Variants in DAB1 observed in about 807,000 individuals in gnomAD.
DAB1 encodes the protein DAB adaptor protein 1, also known as disabled homolog 1.
A neutral mutation model predicts 64.6 loss-of-function variants in DAB1; 15 were observed. That is an observed-to-expected ratio of 0.23 (90% CI 0.16 to 0.36). DAB1 has a LOEUF of 0.36. DAB1 is among the 10% of genes least tolerant of loss of function. The probability of loss-of-function intolerance (pLI) is 1.00; values close to 1 mark genes in which losing one functional copy is unlikely to be tolerated. For synonymous variants in DAB1, 235 were observed against 251.9 expected (o/e 0.93, Z 0.64); for missense variants, 596 against 706.7 (o/e 0.84, Z 1.78).
chr1:57,971,820 AT>A (rs1645803205), intron 5 of DAB1, among the ~76,000 whole-genome samples: 4 of 152,304 alleles, frequency 2.6e-5, no homozygotes, highest in African/African-American at 9.6e-5. Flanking sequence ...ACCAATGGCA[AT>A]ATCTTTCATT....
chr1:57,071,155 C>G (rs1002466082), intron 6 of DAB1, 94 bp from the exon 7 acceptor site: 5 of 1,250,572 alleles, frequency 4.0e-6, no homozygotes, highest in Middle Eastern at 2.1e-4. Context: ...AGTAAAGAAA[C>G]CAGCTCTGGG....
chr1:57,087,192 C>CAT (rs781577938), intron 4 of DAB1, among the ~76,000 whole-genome samples: 1 of 152,230 alleles, frequency 6.6e-6, no homozygotes, highest in Non-Finnish European at 1.5e-5. Context: ...ATAGAAAACA[C>CAT]ATGTGACCAG....
chr1:57,898,177 A>G (rs1644419806), intron 5 of DAB1, among the ~76,000 whole-genome samples: 2 of 152,128 alleles, frequency 1.3e-5, no homozygotes, highest in Admixed American at 1.3e-4. Context: ...TTTCCTAACA[A>G]TGCAATGAAG....
chr1:57,806,073 A>T (rs1651349376), intron 6 of DAB1, among the ~76,000 whole-genome samples: 1 of 152,100 alleles, frequency 6.6e-6, no homozygotes, highest in Non-Finnish European at 1.5e-5. Context: ...CACACATTTC[A>T]CAGAGGAAAA....
At chr1:58,390,883 C>A (rs541065447) in intron 3 of DAB1, among the ~76,000 whole-genome samples, 29 of 152,116 alleles carry the variant, frequency 1.9e-4, no homozygotes, top group Non-Finnish European at 3.5e-4. Flanking sequence ...GTCTGGCATG[C>A]AGTGGGAATC....
intron 4 of DAB1, among the ~76,000 whole-genome samples, chr1:58,172,119 T>C (rs925575994): frequency 6.6e-6 from 1 of 152,154 alleles, no homozygotes; most frequent in Non-Finnish European, 1.5e-5. Context: ...ACTCATCTAG[T>C]AGAATGGGAA....
chr1:57,108,753 G>A (rs1035281484), intron 4 of DAB1, among the ~76,000 whole-genome samples: 1 of 152,150 alleles, frequency 6.6e-6, no homozygotes, highest in Non-Finnish European at 1.5e-5. Context: ...GTGAAGTAGG[G>A]TAAGCTGTTG....
At chr1:58,545,973 G>A (rs1303533570) in intron 1 of DAB1, among the ~76,000 whole-genome samples, 1 of 152,176 alleles carries the variant, frequency 6.6e-6, no homozygotes, top group East Asian at 1.9e-4. Flanking sequence ...CTTTTAGCGA[G>A]GGTTGCACGA....
rs374994051 is a variant in DAB1 at position 57,721,404 on chromosome 1, C to T, written n.552-71739G>A. 1.1e-4 allele frequency among the ~76,000 whole-genome samples: 16 copies of T among 152,322 alleles called. No homozygotes were observed. The South Asian group carries it at 3.3e-3, about 32-fold the overall frequency. On this transcript the variant is annotated intron_variant and non_coding_transcript_variant, in intron 6 of 20. Transcript: ENST00000485760. The stretch of plus-strand genomic sequence containing the variant: ...TCTACTCTGTGCCAGACTTAATTTT[C>T]ACCAAAAACATAGTTTACACTTAGT...
At chr1:57,895,400 T>C (rs1181892938) in intron 5 of DAB1, among the ~76,000 whole-genome samples, 1 of 152,236 alleles carries the variant, frequency 6.6e-6, no homozygotes, top group East Asian at 1.9e-4. Context: ...TCAGGCAGTC[T>C]GGCTACAGGG....
At chr1:57,190,612 C>T (rs1162156168) in intron 2 of DAB1, among the ~76,000 whole-genome samples, 2 of 152,088 alleles carry the variant, frequency 1.3e-5, no homozygotes, top group African/African-American at 4.8e-5. Context: ...ATGCCTATTC[C>T]CACCTTTCCC....
In DAB1 at chr1:57,551,963, A is replaced by G. The variant is rs189553151; in HGVS notation, n.625+97629T>C. Among the ~76,000 whole-genome samples, 5 of 152,296 alleles carry G rather than the reference A, an allele frequency of 3.3e-5. No homozygotes were observed. The East Asian group carries it at 7.7e-4, about 24-fold the overall frequency. ...TCCCCTAGCAGAAAAAAATGCATTC[A>G]CACTTTCAAACCAAGAGCGCACAGG... On this transcript the variant is annotated intron_variant and non_coding_transcript_variant, in intron 7 of 20. Coordinates refer to the DAB1 transcript ENST00000485760.
chr1:58,171,243 G>T (rs1347379817), intron 4 of DAB1, among the ~76,000 whole-genome samples: 1 of 152,176 alleles, frequency 6.6e-6, no homozygotes, highest in Non-Finnish European at 1.5e-5. Context: ...CAATTTGGAA[G>T]GGTAAAAAAT....
intron 3 of DAB1, among the ~76,000 whole-genome samples, chr1:58,398,018 T>C (rs1198606083): frequency 6.6e-6 from 1 of 152,164 alleles, no homozygotes; most frequent in Non-Finnish European, 1.5e-5. Context: ...TTCAGGTCAC[T>C]ACCATCTCTC....
intron 2 of DAB1, among the ~76,000 whole-genome samples, chr1:57,271,167 G>A (rs1355056099): frequency 6.6e-6 from 1 of 152,180 alleles, no homozygotes; most frequent in Non-Finnish European, 1.5e-5. Context: ...AGCTCATTAA[G>A]TCCCCCAAGT....
chr1:58,528,366 T>C (rs1259848605), intron 1 of DAB1, among the ~76,000 whole-genome samples: 1 of 152,194 alleles, frequency 6.6e-6, no homozygotes, highest in Non-Finnish European at 1.5e-5. Context: ...ATGAAGCTAG[T>C]AACAGTTCCA....
upstream of DAB1, among the ~76,000 whole-genome samples, chr1:57,884,842 T>G (rs1214835152): frequency 6.6e-6 from 1 of 152,158 alleles, no homozygotes; most frequent in Non-Finnish European, 1.5e-5. Flanking sequence ...GCTCTGTTAG[T>G]TCCTATGAGA....
intron 5 of DAB1, among the ~76,000 whole-genome samples, chr1:58,006,608 GA>G (rs1340554272): frequency 6.6e-6 from 1 of 152,130 alleles, no homozygotes; most frequent in Non-Finnish European, 1.5e-5. Flanking sequence ...TTTGTTGACT[GA>G]AAAATATGCT....
At chr1:58,463,481 G>A (rs1645263813) in intron 3 of DAB1, among the ~76,000 whole-genome samples, 1 of 152,182 alleles carries the variant, frequency 6.6e-6, no homozygotes, top group Non-Finnish European at 1.5e-5. Context: ...CTGCCTTCCT[G>A]GCCCTTGCAT....
Sources: allele counts gnomAD v4.1 joint callset (sites outside exome capture counted in the v4.1 genomes callset), GRCh38; gene constraint gnomAD v4.1.1; transcripts MANE v1.5; gene names NCBI Gene and HGNC (gene_info 2026-07-23, HGNC 2026-07-21).